Variants in LEKR1 observed in about 807,000 individuals in gnomAD.
LEKR1 encodes protein LEKR1.
In LEKR1, 59 loss-of-function variants were observed where a neutral mutation model predicts 72.4. The ratio of observed to expected loss-of-function variants is 0.82; its 90% CI spans 0.66 to 1.01. The LOEUF (loss-of-function observed/expected upper bound fraction) is 1.01, where lower values mean the gene tolerates loss of function less well. LEKR1 is among the 50% of genes least tolerant of loss of function. The pLI is 0.00. For missense variants in LEKR1, 728 were observed against 759.2 expected, an observed-to-expected ratio of 0.96 and a Z score of 0.48; for synonymous variants, 257 against 263.2, an observed-to-expected ratio of 0.98 and a Z score of 0.23.
At chr3:156,921,994 A>G (rs1724240980) in intron 4 of LEKR1, among the ~76,000 whole-genome samples, 1 of 152,122 alleles carries the variant, frequency 6.6e-6, no homozygotes, top group Non-Finnish European at 1.5e-5. Flanking sequence ...TTTTGTTCAC[A>G]TGTTTCCATA....
At chr3:156,962,127 AGTCATCC>A (rs1728183374) in intron 6 of LEKR1, among the ~76,000 whole-genome samples, 1 of 152,210 alleles carries the variant, frequency 6.6e-6, no homozygotes. Context: ...TTAATTCAGG[AGTCATCC>A]GTCTGTATGG....
intron 12 of LEKR1, among the ~76,000 whole-genome samples, chr3:157,032,295 G>A (rs1487314784): frequency 2.6e-5 from 4 of 152,130 alleles, no homozygotes; most frequent in African/African-American, 4.8e-5. Context: ...TACAATCACC[G>A]AAGGACAATC....
chr3:156,891,348 A>G lies in LEKR1; in HGVS notation c.264-29227A>G, dbSNP rs1160340687. On this transcript the variant is annotated intron_variant, in intron 3 of 12. Coordinates refer to ENST00000356539, the MANE Select transcript of LEKR1 (RefSeq NM_001004316.3). ...TTGCCTTTTGGGGTTATATCATTCC[A>G]TAGGTAATAAATTATTAGTACTTCA... 2.0e-5 allele frequency among the ~76,000 whole-genome samples: 3 copies of G among 152,218 alleles called. No homozygotes were observed. The East Asian group carries it at 5.8e-4, about 29-fold the overall frequency.
chr3:156,903,548 A>G (rs1722237192), intron 3 of LEKR1, among the ~76,000 whole-genome samples: 1 of 152,142 alleles, frequency 6.6e-6, no homozygotes, highest in Admixed American at 6.5e-5. Flanking sequence ...AGCTTAGGCA[A>G]AAAGTGTTTA....
intron 3 of LEKR1, among the ~76,000 whole-genome samples, chr3:156,872,946 T>G (rs1019470464): frequency 1.3e-4 from 20 of 152,072 alleles, no homozygotes; most frequent in Admixed American, 7.2e-4. Flanking sequence ...TCTGTATATA[T>G]CTGTTAGGTC....
intron 9 of LEKR1, among the ~76,000 whole-genome samples, chr3:157,001,234 G>GT (rs1027608409): frequency 6.6e-6 from 1 of 152,128 alleles, no homozygotes; most frequent in Non-Finnish European, 1.5e-5. Context: ...ATTTTATCAG[G>GT]TTTTTTCTCC....
intron 7 of LEKR1, chr3:156,988,736 T>C (rs1280990646): frequency 4.9e-6 from 1 of 202,200 alleles, no homozygotes; most frequent in Non-Finnish European, 1.1e-5. Context: ...ATGATGTATC[T>C]TTGATGTATC....
At chr3:157,042,479 C>T (rs1184296664) in intron 12 of LEKR1, among the ~76,000 whole-genome samples, 1 of 152,170 alleles carries the variant, frequency 6.6e-6, no homozygotes, top group Non-Finnish European at 1.5e-5. Context: ...GTGCACAGTT[C>T]AGCTTAGAGT....
chr3:157,017,507 T>C (rs1733441566), intron 10 of LEKR1: 1 of 152,212 alleles, frequency 6.6e-6, no homozygotes, highest in African/African-American at 2.4e-5. Context: ...CCTTCCTTGA[T>C]AGAGGAGAAC....
chr3:156,834,878 C>CT (rs1712902086), intron 2 of LEKR1, among the ~76,000 whole-genome samples: 1 of 151,878 alleles, frequency 6.6e-6, no homozygotes, highest in South Asian at 2.1e-4. Flanking sequence ...TAAAACTATA[C>CT]TTAACAAAGA....
At chr3:157,042,141 G>A (rs752957408) in intron 12 of LEKR1, among the ~76,000 whole-genome samples, 5 of 151,636 alleles carry the variant, frequency 3.3e-5, no homozygotes, top group Non-Finnish European at 5.9e-5. Context: ...CAGATGATAT[G>A]AAGATATTGT....
chr3:156,976,062 G>T (rs938781421), intron 6 of LEKR1, among the ~76,000 whole-genome samples: 15 of 152,056 alleles, frequency 9.9e-5, no homozygotes, highest in African/African-American at 3.6e-4. Context: ...TATCCTAATG[G>T]TGTTTCTTTA....
intron 3 of LEKR1, among the ~76,000 whole-genome samples, chr3:156,859,368 A>G (rs1289638004): frequency 2.6e-5 from 4 of 152,170 alleles, no homozygotes; most frequent in Non-Finnish European, 5.9e-5. Context: ...TTTTTCTAAC[A>G]CTGGATTAAA....
In LEKR1 at chr3:157,045,832, C is replaced by A. The variant is rs1022793032; in HGVS notation, c.*82C>A. 11 of 1,219,832 alleles carry A rather than the reference C, an allele frequency of 9.0e-6. No individual in the cohort carries two copies. The African/African-American group carries it at 1.7e-4, about 18-fold the overall frequency. 75.6% of individuals were successfully genotyped at this position (1,219,832 alleles called of 1,614,324 possible). ...AGGAATTCACTGTAACTGAGAATGA[C>A]AATGATAAAATTATTTTCACAGATC... On this transcript the variant is annotated 3_prime_UTR_variant, in exon 13 of 13. Coordinates refer to ENST00000356539, the MANE Select transcript of LEKR1 (RefSeq NM_001004316.3).
In LEKR1 at chr3:156,975,778, A is replaced by C. The variant is rs193296750; in HGVS notation, c.746-3416A>C. On this transcript the variant is annotated intron_variant, in intron 6 of 12. Transcript: ENST00000356539. ...TATCTGCAAAGAACACAGTCACATC[A>C]TAGTAGAATTTACTGTTGTAAATTT... Among the ~76,000 whole-genome samples the C allele has an allele frequency of 3.1e-4, 47 of 152,286 alleles. 1 individual carries two copies. Among genetic ancestry groups the C allele is most frequent in the Admixed American group, 1.1e-3 (17 of 15,294 alleles).
intron 9 of LEKR1, 44 bp downstream of exon 9, chr3:156,993,321 G>A (rs2108009943): frequency 7.8e-7 from 1 of 1,290,190 alleles, no homozygotes; most frequent in South Asian, 1.4e-5. Flanking sequence ...TTATGTTTAA[G>A]TTAGTATTCC....
intron 2 of LEKR1, among the ~76,000 whole-genome samples, chr3:156,851,579 T>A (rs1715369241): frequency 6.6e-6 from 1 of 152,206 alleles, no homozygotes; most frequent in Non-Finnish European, 1.5e-5. Context: ...GTAGTTGATA[T>A]AATCATTAAT....
intron 3 of LEKR1, among the ~76,000 whole-genome samples, chr3:156,891,893 T>C (rs1183947648): frequency 6.6e-6 from 1 of 152,062 alleles, no homozygotes; most frequent in Admixed American, 6.6e-5. Flanking sequence ...AAATGTCTGA[T>C]CACTTAGCCA....
At position 157,045,736 on chromosome 3, in the gene LEKR1, C is replaced by A; in HGVS notation, c.2065C>A (p.Arg689=). ...ACTGGCTGCCATTCTTAGGAGAAGG[C>A]GGAGTCAGCAATGATCCAAAATGAG... ...QRLAAILRRR[R]SQQ is the part of the protein sequence containing the mutation. The change falls in exon 13 of 13, where the codon CGG becomes AGG. Residue 689 remains arginine, a synonymous_variant. Transcript: ENST00000356539. The A allele has an allele frequency of 6.2e-7, 1 of 1,608,034 alleles. No individual in the cohort carries two copies. Among genetic ancestry groups the A allele is most frequent in the Non-Finnish European group, 8.5e-7 (1 of 1,179,856 alleles).
Sources: gnomAD v4.1 joint callset for allele counts (sites outside exome capture counted in the v4.1 genomes callset) on GRCh38, gnomAD v4.1.1 for gene constraint, MANE v1.5 for transcripts, NCBI Gene and HGNC (gene_info 2026-07-23, HGNC 2026-07-21) for gene names.